OPCML: variants seen among roughly 807,000 people sequenced by gnomAD.
OPCML encodes opioid-binding protein/cell adhesion molecule.
In OPCML, 13 loss-of-function variants were observed where a neutral mutation model predicts 37.8. The ratio of observed to expected loss-of-function variants is 0.34; its 90% confidence interval spans 0.22 to 0.55. The LOEUF is 0.55. Ranked by LOEUF, OPCML falls within the 20% of genes least tolerant of loss-of-function variation. OPCML has a pLI of 0.91. For missense variants in OPCML, 341 were observed against 435.6 expected (o/e 0.78, Z 1.93); for synonymous variants, 176 against 168.8 (o/e 1.04, Z -0.33).
In OPCML at chr11:133,177,347, G is replaced by A. The variant is rs1325891853; in HGVS notation, c.62-234337C>T. Among the ~76,000 whole-genome samples the A allele has an allele frequency of 5.3e-5, 8 of 152,212 alleles. No homozygotes were observed. Among genetic ancestry groups the A allele is most frequent in the Admixed American group, 3.9e-4 (6 of 15,286 alleles). On this transcript the variant is annotated intron_variant, in intron 1 of 7. Coordinates refer to ENST00000524381, the MANE Select transcript of OPCML (RefSeq NM_001012393.5). This position sits in a 1 kb window ranked among gnomAD's most constrained non-coding sequence, Gnocchi z 5.0. ...CTATCATTTGAAGGAAGGAAGTGGA[G>A]AGGGCTATAAATTCTGGCAGAACCC...
intron 1 of OPCML, among the ~76,000 whole-genome samples, chr11:133,114,208 C>T (rs1033095322): frequency 1.3e-5 from 2 of 152,148 alleles, no homozygotes; most frequent in African/African-American, 4.8e-5. Flanking sequence ...CTGAACTGCT[C>T]GCTCTGCTGC....
chr11:132,926,618 A>G (rs1350889196), intron 2 of OPCML, among the ~76,000 whole-genome samples: 3 of 152,204 alleles, frequency 2.0e-5, no homozygotes, highest in African/African-American at 4.8e-5. Flanking sequence ...AAAGACTTGA[A>G]GAGGTGGTTG....
At chr11:132,489,154 C>A (rs1016591502) in intron 4 of OPCML, among the ~76,000 whole-genome samples, 1 of 152,054 alleles carries the variant, frequency 6.6e-6, no homozygotes, top group Non-Finnish European at 1.5e-5. Flanking sequence ...TTTTTAAACT[C>A]TTTTTTTAAA....
At chr11:132,544,996 CCA>C (rs2096365668) in intron 3 of OPCML, among the ~76,000 whole-genome samples, 2 of 152,272 alleles carry the variant, frequency 1.3e-5, no homozygotes, top group South Asian at 4.1e-4. Context: ...ATCATACATT[CCA>C]GAGTCTTAAT....
rs74668815 is a variant in OPCML at position 132,857,663 on chromosome 11, T to A, written c.146+85263A>T. Among the ~76,000 whole-genome samples the A allele has an allele frequency of 8.0e-3, 1,216 of 152,332 alleles. 18 individuals are homozygous for A. Among genetic ancestry groups the A allele is most frequent in the African/African-American group, 0.028 (1,156 of 41,572 alleles). On this transcript the variant is annotated intron_variant, in intron 2 of 7. Coordinates refer to ENST00000524381, the MANE Select transcript of OPCML (RefSeq NM_001012393.5). ...CTGCGTTCTAAGAAACATGCAAAGC[T>A]ATAAAGCAATGTCATTCTTCTCATT...
At chr11:132,922,261 C>T (rs562319097) in intron 2 of OPCML, among the ~76,000 whole-genome samples, 6 of 152,144 alleles carry the variant, frequency 3.9e-5, no homozygotes, top group African/African-American at 1.4e-4. Flanking sequence ...TGACTTTTGC[C>T]CCTAAGCATG....
chr11:132,935,844 T>G (rs1307119493), intron 2 of OPCML, among the ~76,000 whole-genome samples: 1 of 152,222 alleles, frequency 6.6e-6, no homozygotes, highest in Non-Finnish European at 1.5e-5. Flanking sequence ...ACTCATTTCT[T>G]CACAGGTCTC....
At chr11:132,625,483 C>A (rs1373229390) in intron 3 of OPCML, among the ~76,000 whole-genome samples, 4 of 152,170 alleles carry the variant, frequency 2.6e-5, no homozygotes, top group Non-Finnish European at 2.9e-5. Context: ...CATCTCTGAG[C>A]CGAGGCAGTT....
intron 3 of OPCML, among the ~76,000 whole-genome samples, chr11:132,599,941 C>A (rs1173348056): frequency 6.6e-6 from 1 of 152,118 alleles, no homozygotes; most frequent in Non-Finnish European, 1.5e-5. Flanking sequence ...ACTTATGTAA[C>A]CGAACAATCA....
intron 1 of OPCML, among the ~76,000 whole-genome samples, chr11:133,399,306 T>A (rs993581281): frequency 6.6e-6 from 1 of 152,184 alleles, no homozygotes. Flanking sequence ...AAGATGGGCC[T>A]GGGTTTGAGC....
At chr11:132,925,534 C>T (rs372946646) in intron 2 of OPCML, among the ~76,000 whole-genome samples, 15 of 152,190 alleles carry the variant, frequency 9.9e-5, no homozygotes, top group Non-Finnish European at 2.1e-4. Flanking sequence ...GGAGGTAAAA[C>T]CCACGAAAGT....
chr11:133,284,627 T>C (rs1942249017), intron 1 of OPCML, among the ~76,000 whole-genome samples: 1 of 152,140 alleles, frequency 6.6e-6, no homozygotes, highest in Admixed American at 6.5e-5. Flanking sequence ...GCGTTTTACT[T>C]ATTACCATCT....
chr11:132,482,779 A>C (rs2096185545), intron 4 of OPCML, among the ~76,000 whole-genome samples: 1 of 151,962 alleles, frequency 6.6e-6, no homozygotes, highest in Non-Finnish European at 1.5e-5. Context: ...ACAAATCAAT[A>C]AATGTAATCC....
intron 1 of OPCML, among the ~76,000 whole-genome samples, chr11:133,028,593 T>C (rs1235380755): frequency 6.6e-6 from 1 of 151,380 alleles, no homozygotes; most frequent in African/African-American, 2.4e-5. Context: ...GATTCATGAA[T>C]GAATTGTACA....
At chr11:133,105,206 A>G (rs1036280181) in intron 1 of OPCML, among the ~76,000 whole-genome samples, 2 of 152,230 alleles carry the variant, frequency 1.3e-5, no homozygotes, top group Non-Finnish European at 2.9e-5. Flanking sequence ...GGGTAAATGC[A>G]TATCTGAAGG....
At chr11:132,531,967 ACACAC>A (rs2096326659) in intron 3 of OPCML, among the ~76,000 whole-genome samples, 2 of 152,110 alleles carry the variant, frequency 1.3e-5, no homozygotes, top group African/African-American at 4.8e-5. Flanking sequence ...ATAGTAAGTT[ACACAC>A]AGCTGGGGAA....
At chr11:133,132,656 T>C (rs778667982) in intron 1 of OPCML, among the ~76,000 whole-genome samples, 3 of 152,050 alleles carry the variant, frequency 2.0e-5, no homozygotes, top group Non-Finnish European at 2.9e-5. Flanking sequence ...ACCGATACAA[T>C]GGAATACTAA....
chr11:133,328,800 C>G lies in OPCML; in HGVS notation c.61+203464G>C, dbSNP rs138947245. On this transcript the variant is annotated intron_variant, in intron 1 of 7. Coordinates refer to ENST00000524381, the MANE Select transcript of OPCML (RefSeq NM_001012393.5). ...GACAGGGATGCCCTCTCTCACCTCT[C>G]CTATTCAACATAGTGTCGGAAGTTC... is the stretch of plus-strand genomic sequence containing the variant. Among the ~76,000 whole-genome samples the G allele has an allele frequency of 7.3e-3, 1,115 of 152,238 alleles. 9 individuals are homozygous for G. Among genetic ancestry groups the G allele is most frequent in the African/African-American group, 0.026 (1,061 of 41,542 alleles).
intron 2 of OPCML, among the ~76,000 whole-genome samples, chr11:132,746,701 T>C (rs1273182965): frequency 1.3e-5 from 2 of 152,216 alleles, no homozygotes; most frequent in Admixed American, 6.5e-5. Context: ...GGACCTCCTC[T>C]GGCAGGTATG....
Sources: gnomAD v4.1 joint callset for allele counts (sites outside exome capture counted in the v4.1 genomes callset) on GRCh38, gnomAD v4.1.1 for gene constraint, Gnocchi (gnomAD v3.1) non-coding constraint, MANE v1.5 for transcripts, NCBI Gene and HGNC (gene_info 2026-07-23, HGNC 2026-07-21) for gene names.